CD47: variants seen among roughly 807,000 people sequenced by gnomAD.
CD47 encodes the protein CD47 molecule.
In CD47, 11 loss-of-function variants were observed where a neutral mutation model predicts 44.6. That is an observed-to-expected ratio of 0.25 (90% CI 0.16 to 0.41). CD47 has a LOEUF of 0.41. Ranked by LOEUF, CD47 falls within the 10% of genes least tolerant of loss-of-function variation. CD47 has a pLI of 1.00. For missense variants in CD47, 306 were observed against 386.7 expected, an observed-to-expected ratio of 0.79 and a Z score of 1.75; for synonymous variants, 140 against 136.3, an observed-to-expected ratio of 1.03 and a Z score of -0.19.
At chr3:108,048,160 G>A (rs958866543) in intron 10 of CD47, among the ~76,000 whole-genome samples, 1 of 150,952 alleles carries the variant, frequency 6.6e-6, no homozygotes, top group African/African-American at 2.4e-5. Context: ...AACAAACCAT[G>A]GTCACAATTC....
chr3:108,058,557 C>T lies in CD47; in HGVS notation c.692-128G>A, dbSNP rs138796514. The T allele has an allele frequency of 1.3e-3, 714 of 563,508 alleles. 8 individuals carry two copies. Among genetic ancestry groups the T allele is most frequent in the African/African-American group, 0.012 (625 of 50,744 alleles). 34.9% of individuals were successfully genotyped at this position (563,508 alleles called of 1,614,324 possible). A position where few individuals can be genotyped will look rare whatever the true frequency, so the allele number is the denominator to read the frequency against. ...ACTGACTCTGGAGTTCATTGTTTGACGGTAGATGTTAACTCAGTGATCTAA... is the reference window on the plus strand; with the variant it reads ...ACTGACTCTGGAGTTCATTGTTTGATGGTAGATGTTAACTCAGTGATCTAA... On this transcript the variant is annotated intron_variant, in intron 5 of 10. Coordinates refer to ENST00000361309, the MANE Select transcript of CD47 (RefSeq NM_001777.4).
intron 2 of CD47, among the ~76,000 whole-genome samples, chr3:108,075,173 G>A (rs1173607095): frequency 6.6e-6 from 1 of 152,168 alleles, no homozygotes; most frequent in Non-Finnish European, 1.5e-5. Flanking sequence ...GCTGACAACT[G>A]TGTCTATCAC....
At position 108,080,084 on chromosome 3, in the gene CD47, T is replaced by C; in HGVS notation, c.307A>G (p.Ser103Gly). Residue 103 changes from serine to glycine, a missense_variant, in exon 2 of 11, where the codon AGT becomes GGT. By Grantham distance (56) the Ser-to-Gly change is moderately conservative. Coordinates refer to ENST00000361309, the MANE Select transcript of CD47 (RefSeq NM_001777.4). ...KGDASLKMDK[S>G]DAVSHTGNYT... Reference sequence around the variant, plus strand: ...TTTCCTGTGTGTGAGACAGCATCACTCTTATCCATCTTCAAAGAGGCATCT... The same window carrying C: ...TTTCCTGTGTGTGAGACAGCATCACCCTTATCCATCTTCAAAGAGGCATCT... 1 of 1,613,186 alleles carries C rather than the reference T, an allele frequency of 6.2e-7. No homozygotes were observed. The highest frequency in any genetic ancestry group is 8.5e-7 in the Non-Finnish European group (1 of 1,179,254).
chr3:108,090,773 G>T, intron 1 of CD47, 90 bp downstream of exon 1: 1 of 1,245,382 alleles, frequency 8.0e-7, no homozygotes, highest in Non-Finnish European at 1.0e-6. Context: ...ACCCTCTTCA[G>T]GGCGCCGCCG....
intron 1 of CD47, among the ~76,000 whole-genome samples, chr3:108,084,540 TA>T (rs1265943401): frequency 6.6e-6 from 1 of 152,046 alleles, no homozygotes; most frequent in Non-Finnish European, 1.5e-5. Flanking sequence ...AACTTTTAAA[TA>T]AAAAACTGAA....
intron 3 of CD47, 24 bp downstream of exon 3, chr3:108,071,069 A>T: frequency 9.9e-7 from 1 of 1,010,706 alleles, no homozygotes; most frequent in Non-Finnish European, 1.5e-6. Flanking sequence ...TGAAACATAA[A>T]TGAAAAGTAG....
At chr3:108,059,059 T>C (rs2078967509) in intron 5 of CD47, among the ~76,000 whole-genome samples, 2 of 152,232 alleles carry the variant, frequency 1.3e-5, no homozygotes, top group African/African-American at 4.8e-5. Context: ...CTACTATTTG[T>C]GATTCATAAT....
intron 1 of CD47, among the ~76,000 whole-genome samples, chr3:108,087,758 A>T (rs966419283): frequency 3.3e-5 from 5 of 152,188 alleles, no homozygotes; most frequent in Non-Finnish European, 5.9e-5. Context: ...CCAGATTCTG[A>T]GTCTTATGCA....
In CD47 at chr3:108,072,824, C is replaced by A. The variant is rs118184614; in HGVS notation, c.401-1642G>T. On this transcript the variant is annotated intron_variant, in intron 2 of 10. Transcript: ENST00000361309. ...ATTGATGTATTTTTCCTTACTTCCCCTGTGCTTTTGTTTTTAATTGTGTAC... is the reference window on the plus strand; with the variant it reads ...ATTGATGTATTTTTCCTTACTTCCCATGTGCTTTTGTTTTTAATTGTGTAC... Among the ~76,000 whole-genome samples the A allele has an allele frequency of 7.9e-5, 12 of 152,200 alleles. No homozygotes were observed. The East Asian group carries it at 2.3e-3, about 29-fold the overall frequency.
chr3:108,082,794 C>T (rs1008336621), intron 1 of CD47, among the ~76,000 whole-genome samples: 5 of 151,932 alleles, frequency 3.3e-5, no homozygotes, highest in African/African-American at 7.2e-5. Flanking sequence ...ACAATAAAAA[C>T]ATTTTATAGC....
chr3:108,078,730 T>A (rs2079357852), intron 2 of CD47, among the ~76,000 whole-genome samples: 1 of 151,600 alleles, frequency 6.6e-6, no homozygotes, highest in South Asian at 2.1e-4. Flanking sequence ...CTCGGAGCCA[T>A]CCCTTGCCCA....
chr3:108,059,418 T>C lies in CD47; in HGVS notation c.691+34A>G, dbSNP rs1282395063. 3 of 1,062,044 alleles carry C rather than the reference T, an allele frequency of 2.8e-6. No homozygotes were observed. In the East Asian group the frequency reaches 8.5e-5, roughly 30 times the overall value. 65.8% of individuals were successfully genotyped at this position (1,062,044 alleles called of 1,614,324 possible). On this transcript the variant is annotated intron_variant, in intron 5 of 10. Coordinates refer to ENST00000361309, the MANE Select transcript of CD47 (RefSeq NM_001777.4). ...ACTGCTGTTTTGTAAATGAAAAAGG[T>C]AGACAAAATCATACTGTAACAATGA...
In CD47 at chr3:108,086,584, G is replaced by C. The variant is rs544440557; in HGVS notation, c.46+4279C>G. ...GATGCACACTATGTTTGAGAAATGA[G>C]AGAGAAACAAGATGGCTTTATCAAG... On this transcript the variant is annotated intron_variant, in intron 1 of 10. Transcript: ENST00000361309. Among the ~76,000 whole-genome samples the C allele has an allele frequency of 2.0e-5, 3 of 152,244 alleles. No individual in the cohort carries two copies. In the South Asian group the frequency reaches 6.2e-4, roughly 32 times the overall value.
At chr3:108,075,263 T>A (rs1055340019) in intron 2 of CD47, among the ~76,000 whole-genome samples, 1 of 152,202 alleles carries the variant, frequency 6.6e-6, no homozygotes, top group Non-Finnish European at 1.5e-5. Context: ...GAAGTGATAT[T>A]ACAAGGGTGT....
chr3:108,072,617 G>T (rs1469665848), intron 2 of CD47, among the ~76,000 whole-genome samples: 1 of 151,998 alleles, frequency 6.6e-6, no homozygotes, highest in Non-Finnish European at 1.5e-5. Context: ...GATGTTTTTG[G>T]ATACTCCAAA....
chr3:108,065,211 C>T (rs910222086), intron 3 of CD47, among the ~76,000 whole-genome samples: 2 of 152,194 alleles, frequency 1.3e-5, no homozygotes, highest in East Asian at 3.8e-4. Flanking sequence ...AGGCTTTGTG[C>T]ATCAAGTACT....
chr3:108,069,066 A>G (rs929093338), intron 3 of CD47, among the ~76,000 whole-genome samples: 5 of 152,252 alleles, frequency 3.3e-5, no homozygotes, highest in African/African-American at 1.2e-4. Flanking sequence ...CAGAGATTTT[A>G]GCGTTATAAT....
intron 1 of CD47, among the ~76,000 whole-genome samples, chr3:108,081,712 T>A (rs2079421767): frequency 6.6e-6 from 1 of 152,014 alleles, no homozygotes; most frequent in Non-Finnish European, 1.5e-5. Flanking sequence ...ACCGGGCTAC[T>A]TCACAGAACT....
intron 7 of CD47, among the ~76,000 whole-genome samples, chr3:108,055,237 G>A (rs750683507): frequency 5.3e-5 from 8 of 152,074 alleles, no homozygotes; most frequent in African/African-American, 1.2e-4. Context: ...ATCTCATAGC[G>A]ACATTAACTT....
Sources: allele counts gnomAD v4.1 joint callset (sites outside exome capture counted in the v4.1 genomes callset), GRCh38; gene constraint gnomAD v4.1.1; transcripts MANE v1.5; gene names NCBI Gene and HGNC (gene_info 2026-07-23, HGNC 2026-07-21).